The following ACTL8 variants were observed in gnomAD, a reference collection of about 807,000 sequenced individuals.
ACTL8 encodes the protein actin-like protein 8.
Under a neutral mutation model 9.3 loss-of-function variants are expected in ACTL8, and 3 were observed. That is an observed-to-expected ratio of 0.32 (90% CI 0.15 to 0.83). The LOEUF is 0.83. Among genes scored for constraint, ACTL8 ranks in the 40% least tolerant of loss-of-function variants. The pLI is 0.57. For synonymous variants in ACTL8, 224 were observed against 205.9 expected (o/e 1.09, Z -0.75); for missense variants, 381 against 492.2 (o/e 0.77, Z 2.14).
chr1:17,787,193 T>C (rs1570014793), intron 1 of ACTL8, among the ~76,000 whole-genome samples: 1 of 152,204 alleles, frequency 6.6e-6, no homozygotes, highest in Admixed American at 6.5e-5. Flanking sequence ...CAAACATATA[T>C]GAATGCTTTC....
rs1386939392 is a variant in ACTL8, at chr1:17,767,971, G to A, written c.-25+12467G>A. ...TGGGTGTCTGTGGGTTCAGTCCTGG[G>A]GGGCAGGGGTGAGCATATATGTGAT... On this transcript the variant is annotated intron_variant, in intron 1 of 2. Coordinates refer to ENST00000375406, the MANE Select transcript of ACTL8 (RefSeq NM_030812.3). The surrounding 1 kb of genome is among the most constrained non-coding windows in gnomAD (Gnocchi z 4.7). 6.6e-6 allele frequency among the ~76,000 whole-genome samples: 1 copy of A among 152,224 alleles called. No homozygotes were observed. The highest frequency in any genetic ancestry group is 1.5e-5 in the Non-Finnish European group (1 of 68,026).
At chr1:17,801,163 ACTTT>A (rs1258734548) in intron 1 of ACTL8, among the ~76,000 whole-genome samples, 7 of 152,204 alleles carry the variant, frequency 4.6e-5, no homozygotes, top group Non-Finnish European at 1.5e-5. Flanking sequence ...GTAAATATTT[ACTTT>A]CTTAATCCTT....
intron 1 of ACTL8, among the ~76,000 whole-genome samples, chr1:17,799,602 C>CT (rs1173512675): frequency 6.7e-6 from 1 of 149,722 alleles, no homozygotes; most frequent in Admixed American, 6.6e-5. Flanking sequence ...TGCTTCCTCT[C>CT]TTTTTTTTCT....
intron 1 of ACTL8, among the ~76,000 whole-genome samples, chr1:17,793,973 A>T (rs1350799152): frequency 6.6e-6 from 1 of 152,054 alleles, no homozygotes; most frequent in African/African-American, 2.4e-5. Flanking sequence ...CTCTCTTTAG[A>T]ATCTCGGGAT....
chr1:17,763,128 C>T (rs938328989), intron 1 of ACTL8, among the ~76,000 whole-genome samples: 3 of 152,082 alleles, frequency 2.0e-5, no homozygotes, highest in Non-Finnish European at 4.4e-5. Flanking sequence ...GCCTGGCCTG[C>T]GGGTCCCCAG....
intron 1 of ACTL8, among the ~76,000 whole-genome samples, chr1:17,814,964 T>C (rs1285340446): frequency 2.0e-5 from 3 of 152,070 alleles, no homozygotes; most frequent in Non-Finnish European, 4.4e-5. Flanking sequence ...GTACGTACTA[T>C]TATTTTACAA....
intron 1 of ACTL8, among the ~76,000 whole-genome samples, chr1:17,792,927 T>C (rs2066250582): frequency 6.6e-6 from 1 of 152,154 alleles, no homozygotes; most frequent in South Asian, 2.1e-4. Context: ...AGGCTCTCTC[T>C]CTGGGGTGTG....
intron 1 of ACTL8, among the ~76,000 whole-genome samples, chr1:17,819,251 A>G (rs1265986995): frequency 6.6e-6 from 1 of 152,220 alleles, no homozygotes; most frequent in Non-Finnish European, 1.5e-5. Context: ...CGCTTCCCGG[A>G]ATGTCATGCA....
chr1:17,819,170 C>T (rs1415096450), intron 1 of ACTL8, among the ~76,000 whole-genome samples: 1 of 152,202 alleles, frequency 6.6e-6, no homozygotes, highest in Non-Finnish European at 1.5e-5. Context: ...ACTCTGCCAG[C>T]GTCTCCCATG....
chr1:17,790,803 C>G (rs1196406592), intron 1 of ACTL8, among the ~76,000 whole-genome samples: 1 of 152,240 alleles, frequency 6.6e-6, no homozygotes, highest in Non-Finnish European at 1.5e-5. Context: ...CCAAGTTGCC[C>G]TTAGCCCTCC....
chr1:17,791,999 C>G lies in ACTL8; in HGVS notation c.-24-30986C>G, dbSNP rs1312680012. ...GCATCCTTGGCTTGGGATCCTGCCCCCCCTCATCAACCCCATCAGGAACCC... is the reference window on the plus strand; with the variant it reads ...GCATCCTTGGCTTGGGATCCTGCCCGCCCTCATCAACCCCATCAGGAACCC... On this transcript the variant is annotated intron_variant, in intron 1 of 2. Transcript: ENST00000375406. Among the ~76,000 whole-genome samples the G allele has an allele frequency of 2.8e-5, 4 of 141,086 alleles. No individual in the cohort carries two copies. In the East Asian group the frequency reaches 7.7e-4, roughly 27 times the overall value. The allele number at this position is 141,086 out of a possible 152,430, so 92.6% of individuals were successfully genotyped here. A position where few individuals can be genotyped will look rare whatever the true frequency, so the allele number is the denominator to read the frequency against.
intron 1 of ACTL8, among the ~76,000 whole-genome samples, chr1:17,755,972 C>T (rs937554624): frequency 5.3e-5 from 8 of 152,096 alleles, no homozygotes; most frequent in Admixed American, 3.9e-4. Flanking sequence ...GGGGGCTCCA[C>T]GTCAGCCCTG....
intron 1 of ACTL8, among the ~76,000 whole-genome samples, chr1:17,790,100 T>C (rs1239274197): frequency 6.6e-6 from 1 of 152,166 alleles, no homozygotes; most frequent in Non-Finnish European, 1.5e-5. Context: ...CCAGCACAGG[T>C]GCCAGCTCTC....
intron 1 of ACTL8, among the ~76,000 whole-genome samples, chr1:17,810,131 G>C (rs566460809): frequency 1.3e-5 from 2 of 152,252 alleles, no homozygotes; most frequent in African/African-American, 4.8e-5. Context: ...GTCTTTCTTT[G>C]CTTCCTTTCA....
intron 1 of ACTL8, among the ~76,000 whole-genome samples, chr1:17,794,211 CTGGCTGACCTTT>C (rs1384886850): frequency 1.3e-5 from 2 of 152,288 alleles, no homozygotes; most frequent in Admixed American, 1.3e-4. Flanking sequence ...GAACCTAGGT[CTGGCTGACCTTT>C]TAGCCCGTGG....
chr1:17,812,427 CTTT>C (rs141182523), intron 1 of ACTL8, among the ~76,000 whole-genome samples: 172 of 122,398 alleles, frequency 1.4e-3, no homozygotes, highest in Non-Finnish European at 1.8e-3. Flanking sequence ...ATTTTTTTTC[CTTT>C]TTTTTTTTTT....
chr1:17,772,008 AAGC>A (rs2066086173), intron 1 of ACTL8, among the ~76,000 whole-genome samples: 1 of 152,152 alleles, frequency 6.6e-6, no homozygotes, highest in Non-Finnish European at 1.5e-5. Flanking sequence ...CAGAGACAGA[AAGC>A]AGGAGAACAG....
intron 1 of ACTL8, 54 bp downstream of exon 1, chr1:17,755,558 T>TC (rs2065961101): frequency 7.3e-6 from 1 of 137,684 alleles, no homozygotes; most frequent in African/African-American, 2.7e-5. Flanking sequence ...CCCTGACTGT[T>TC]TTTTTTTTTT....
intron 1 of ACTL8, among the ~76,000 whole-genome samples, chr1:17,803,600 G>A (rs1276270869): frequency 6.6e-6 from 1 of 152,228 alleles, no homozygotes; most frequent in Admixed American, 6.5e-5. Flanking sequence ...GAAAGTGCTA[G>A]GATGATAGGC....
Sources: gnomAD v4.1 joint callset for allele counts (sites outside exome capture counted in the v4.1 genomes callset) on GRCh38, gnomAD v4.1.1 for gene constraint, Gnocchi (gnomAD v3.1) non-coding constraint, MANE v1.5 for transcripts, NCBI Gene and HGNC (gene_info 2026-07-23, HGNC 2026-07-21) for gene names.